The following GRK4 variants were observed in gnomAD, a reference collection of about 807,000 sequenced individuals.
The protein encoded by GRK4 is G protein-coupled receptor kinase 4, also known as G protein-coupled receptor kinase 2-like.
In GRK4, 73 loss-of-function variants were observed where a neutral mutation model predicts 77.9. That is an observed-to-expected ratio of 0.94 (90% CI 0.78 to 1.14). The LOEUF (loss-of-function observed/expected upper bound fraction) is 1.14, where lower values mean the gene tolerates loss of function less well. GRK4 is among the 50% of genes most tolerant of loss of function. The probability of loss-of-function intolerance (pLI) is 0.00; values close to 1 mark genes in which losing one functional copy is unlikely to be tolerated. For missense variants in GRK4, 729 were observed against 700.2 expected (o/e 1.04, Z -0.46); for synonymous variants, 257 against 254.4 (o/e 1.01, Z -0.10).
In GRK4 at chr4:3,038,504, C is replaced by G; in HGVS notation, c.1674C>G (p.Phe558Leu). Residue 558 changes from phenylalanine to leucine, a missense_variant, in exon 15 of 16, where the codon TTC becomes TTG. Coordinates refer to ENST00000398052, the MANE Select transcript of GRK4 (RefSeq NM_182982.3). ...RPNRGFFYRL[F>L]RRGGCLTMVP... ...ACAGAGGCTTCTTCTATAGACTCTT[C>G]AGAAGAGGGGTAAAAAGACTTAAAA... The G allele has an allele frequency of 6.2e-7, 1 of 1,610,798 alleles. No individual in the cohort carries two copies. The highest frequency in any genetic ancestry group is 1.1e-5 in the South Asian group (1 of 90,896).
Position 2,963,661 on chromosome 4 carries a change from C to A in GRK4, c.-410C>A. ...CCCGGGAGCGGGTCGCCGGCCGCGG[C>A]GGGCGCCCCTGCCAGTGAGCCCCTG... On this transcript the variant is annotated 5_prime_UTR_variant, in exon 1 of 16. Transcript: ENST00000398052. 1 of 369,462 alleles carries A rather than the reference C, an allele frequency of 2.7e-6. No homozygotes were observed. Among genetic ancestry groups the A allele is most frequent in the Non-Finnish European group, 4.8e-6 (1 of 207,060 alleles). The allele number at this position is 369,462 out of a possible 1,614,324, so 22.9% of individuals were successfully genotyped here. A position where few individuals can be genotyped will look rare whatever the true frequency, so the allele number is the denominator to read the frequency against.
At chr4:3,029,443 A>T in intron 12 of GRK4, 34 bp downstream of exon 12, 2 of 1,553,582 alleles carry the variant, frequency 1.3e-6, no homozygotes, top group Non-Finnish European at 1.8e-6. Context: ...GGGAAATGGC[A>T]CTTCTCACTC....
intron 10 of GRK4, 28 bp downstream of exon 10, chr4:3,022,479 T>C (rs746554802): frequency 6.2e-6 from 10 of 1,607,586 alleles, no homozygotes; most frequent in South Asian, 1.1e-5. Context: ...TCACATCTAA[T>C]GGGTAGACTT....
rs146448003 is a variant in GRK4, at chr4:3,030,889, C to G, written c.1269+1480C>G. 1.5e-3 allele frequency among the ~76,000 whole-genome samples: 227 copies of G among 152,286 alleles called. 1 individual carries two copies. Among genetic ancestry groups the G allele is most frequent in the African/African-American group, 5.2e-3 (218 of 41,550 alleles). The stretch of plus-strand genomic sequence containing the variant: ...CTCTGTGAAGAGTGATGTGATGAGA[C>G]TGGGCTTGCCGGCCACTGGGAGAGA... On this transcript the variant is annotated intron_variant, in intron 12 of 15. Transcript: ENST00000398052.
intron 1 of GRK4, among the ~76,000 whole-genome samples, chr4:2,979,511 C>T (rs928655879): frequency 2.0e-5 from 3 of 151,684 alleles, no homozygotes; most frequent in East Asian, 1.9e-4. Context: ...GTCAGGAGTT[C>T]GAGACCAGCC....
chr4:3,018,587 AAAG>A (rs1735196718), intron 8 of GRK4, among the ~76,000 whole-genome samples: 1 of 152,182 alleles, frequency 6.6e-6, no homozygotes, highest in African/African-American at 2.4e-5. Flanking sequence ...ATAAGAAATT[AAAG>A]AAGGAGGCTG....
intron 3 of GRK4, among the ~76,000 whole-genome samples, chr4:2,991,893 C>G (rs189920231): frequency 1.7e-4 from 26 of 152,264 alleles, no homozygotes; most frequent in Admixed American, 1.6e-3. Flanking sequence ...CATTAACCTC[C>G]TTTAAAAAAC....
In GRK4 at chr4:2,964,078, T is replaced by C. The variant is rs766303986; in HGVS notation, c.8T>C (p.Leu3Pro). The C allele has an allele frequency of 5.0e-6, 8 of 1,608,998 alleles. No homozygotes were observed. In the Admixed American group the frequency reaches 1.0e-4, roughly 20 times the overall value. ME[L>P]ENIVANSLLL... Reference sequence around the variant, plus strand: ...CGGCGGCGGCGCCAGGACATGGAGCTCGAGAACATCGTGGCCAACTCGCTG... The same window carrying C: ...CGGCGGCGGCGCCAGGACATGGAGCCCGAGAACATCGTGGCCAACTCGCTG... The change falls in exon 1 of 16, where the codon CTC becomes CCC. Residue 3 changes from leucine (L) to proline (P), a missense_variant. Physicochemically the swap from Leu to Pro is moderately conservative, Grantham distance 98 (BLOSUM62 -3). Coordinates refer to ENST00000398052, the MANE Select transcript of GRK4 (RefSeq NM_182982.3).
intron 7 of GRK4, among the ~76,000 whole-genome samples, chr4:3,010,661 G>A (rs909197722): frequency 3.9e-5 from 6 of 152,130 alleles, no homozygotes; most frequent in Non-Finnish European, 8.8e-5. Flanking sequence ...GTGATCATAT[G>A]GAGTTCAAGA....
chr4:3,010,817 G>T (rs1017492912), intron 7 of GRK4, among the ~76,000 whole-genome samples: 15 of 152,156 alleles, frequency 9.9e-5, no homozygotes, highest in Non-Finnish European at 1.9e-4. Context: ...GCATTGCCTT[G>T]AAGTTAATTA....
intron 12 of GRK4, among the ~76,000 whole-genome samples, chr4:3,030,745 G>A (rs1738925132): frequency 6.6e-6 from 1 of 152,064 alleles, no homozygotes; most frequent in African/African-American, 2.4e-5. Context: ...GGGGGTTAGA[G>A]GGGGACGGGA....
intron 8 of GRK4, 96 bp downstream of exon 8, chr4:3,013,924 G>A: frequency 7.5e-7 from 1 of 1,333,622 alleles, no homozygotes; most frequent in South Asian, 1.7e-5. Flanking sequence ...TGAAGCCGTG[G>A]AAGTCATTTC....
At chr4:3,028,792 G>A (rs1426102974) in intron 11 of GRK4, among the ~76,000 whole-genome samples, 2 of 142,974 alleles carry the variant, frequency 1.4e-5, no homozygotes, top group East Asian at 2.0e-4. Context: ...TTTTTTTTGA[G>A]ACAGAGTCTC....
intron 8 of GRK4, among the ~76,000 whole-genome samples, chr4:3,015,547 C>T (rs906762289): frequency 2.0e-5 from 3 of 151,876 alleles, no homozygotes; most frequent in East Asian, 1.9e-4. Flanking sequence ...TGGTGGCAGG[C>T]GCCTGTAGTC....
At chr4:2,983,845 C>T (rs987270265) in intron 1 of GRK4, among the ~76,000 whole-genome samples, 2 of 152,018 alleles carry the variant, frequency 1.3e-5, no homozygotes, top group South Asian at 2.1e-4. Flanking sequence ...AGGAAACTTA[C>T]AATCATGGTG....
At chr4:2,977,461 C>G in intron 1 of GRK4, among the ~76,000 whole-genome samples, 1 of 152,240 alleles carries the variant, frequency 6.6e-6, no homozygotes, top group Non-Finnish European at 1.5e-5. Context: ...ATATTTCCCT[C>G]TAGATACTGA....
chr4:2,981,200 C>A (rs1056151253), intron 1 of GRK4, among the ~76,000 whole-genome samples: 31 of 152,366 alleles, frequency 2.0e-4, no homozygotes, highest in Non-Finnish European at 4.0e-4. Context: ...GGGGCCACAG[C>A]TCTTATCTCC....
At chr4:2,992,825 A>G (rs753676440) in intron 4 of GRK4, among the ~76,000 whole-genome samples, 6 of 150,434 alleles carry the variant, frequency 4.0e-5, no homozygotes, top group African/African-American at 7.3e-5. Flanking sequence ...TACAAAAAAG[A>G]AAAAAAAAAT....
At chr4:3,014,623 G>T (rs991429863) in intron 8 of GRK4, among the ~76,000 whole-genome samples, 1 of 151,716 alleles carries the variant, frequency 6.6e-6, no homozygotes. Flanking sequence ...GTGAAATCCC[G>T]TCTCTACTAA....
Sources: gnomAD v4.1 joint callset for allele counts (sites outside exome capture counted in the v4.1 genomes callset) on GRCh38, gnomAD v4.1.1 for gene constraint, MANE v1.5 for transcripts, NCBI Gene and HGNC (gene_info 2026-07-23, HGNC 2026-07-21) for gene names.